Variants in SDK1 observed in about 807,000 individuals in gnomAD.
The protein encoded by SDK1 is protein sidekick-1.
A neutral mutation model predicts 245.5 loss-of-function variants in SDK1; 157 were observed. The ratio of observed to expected loss-of-function variants is 0.64; its 90% CI spans 0.56 to 0.73. The LOEUF (loss-of-function observed/expected upper bound fraction) is 0.73. Ranked by LOEUF, SDK1 falls within the 30% of genes least tolerant of loss-of-function variation. The probability of loss-of-function intolerance (pLI) is 0.00; values close to 1 mark genes in which losing one functional copy is unlikely to be tolerated. For synonymous variants in SDK1, 1,647 were observed against 1,278.5 expected (o/e 1.29, Z -6.15); for missense variants, 3,583 against 3,002.3 (o/e 1.19, Z -4.52).
In SDK1 at chr7:4,233,242, A is replaced by G. The variant is rs1435064712; in HGVS notation, c.5828-13A>G. 1 of 1,608,830 alleles carries G rather than the reference A, an allele frequency of 6.2e-7. No individual in the cohort carries two copies. Among genetic ancestry groups the G allele is most frequent in the Non-Finnish European group, 8.5e-7 (1 of 1,176,696 alleles). ...TTCTAACCTCTGCTCTCGCCTCCCCATCCCTCTTGCAGATGAAGGCTTATG... is the reference window on the plus strand; with the variant it reads ...TTCTAACCTCTGCTCTCGCCTCCCCGTCCCTCTTGCAGATGAAGGCTTATG... On this transcript the variant is annotated splice_polypyrimidine_tract_variant and intron_variant, in intron 40 of 44. Transcript: ENST00000404826.
At chr7:3,501,753 A>G (rs1334926261) in intron 1 of SDK1, among the ~76,000 whole-genome samples, 1 of 152,160 alleles carries the variant, frequency 6.6e-6, no homozygotes, top group Non-Finnish European at 1.5e-5. Context: ...TATGTGCAGT[A>G]TTTTGGACTT....
In SDK1 at chr7:3,532,835, C is replaced by T. The variant is rs139199001; in HGVS notation, c.299-86245C>T. Among the ~76,000 whole-genome samples, 453 of 152,148 alleles carry T rather than the reference C, an allele frequency of 3.0e-3. 1 individual carries two copies. The highest frequency in any genetic ancestry group is 0.011 in the African/African-American group (438 of 41,502). On this transcript the variant is annotated intron_variant, in intron 1 of 44. Transcript: ENST00000404826. ...CATCTTACCTCCTCTGCGTTCTTGT[C>T]ACATGGCCCTCTTTCAGGCTCTTTT...
chr7:3,895,972 A>T (rs1781594653), intron 5 of SDK1, among the ~76,000 whole-genome samples: 1 of 152,082 alleles, frequency 6.6e-6, no homozygotes, highest in African/African-American at 2.4e-5. Context: ...ATCCTTTTAA[A>T]TTTATTGAGA....
intron 1 of SDK1, among the ~76,000 whole-genome samples, chr7:3,504,689 C>A (rs1583965595): frequency 1.3e-5 from 2 of 151,992 alleles, no homozygotes; most frequent in East Asian, 3.9e-4. Context: ...AACTATGAAA[C>A]TCTCAGAGGA....
At chr7:3,906,148 G>T (rs569771875) in intron 5 of SDK1, among the ~76,000 whole-genome samples, 1 of 151,978 alleles carries the variant, frequency 6.6e-6, no homozygotes, top group South Asian at 2.1e-4. Context: ...CCTGATGTTT[G>T]TCCTCACCTT....
At chr7:4,069,893 A>G (rs1485588612) in intron 20 of SDK1, among the ~76,000 whole-genome samples, 1 of 152,204 alleles carries the variant, frequency 6.6e-6, no homozygotes, top group South Asian at 2.1e-4. Context: ...ACGTCCCACC[A>G]TCACAGCCAA....
chr7:4,071,536 A>T (rs1295304053), intron 20 of SDK1, among the ~76,000 whole-genome samples: 1 of 152,194 alleles, frequency 6.6e-6, no homozygotes, highest in African/African-American at 2.4e-5. Context: ...TGTTGCCTGG[A>T]GTCGAAGGAA....
chr7:3,773,146 C>G (rs73672168), intron 4 of SDK1, among the ~76,000 whole-genome samples: 5,390 of 152,268 alleles, frequency 0.035, 300 homozygotes, highest in African/African-American at 0.12. Context: ...CTTTCTCCCT[C>G]TCTTCTTTTT....
In SDK1 at chr7:4,241,890, C is replaced by T. The variant is rs141297041; in HGVS notation, c.6228C>T (p.Thr2076=). ...LSSRHLNVKS[T]FSKKNGTRSP... ...GCCGCCACCTCAATGTCAAGAGCAC[C>T]TTCTCCAAGAAGAACGGGACCAGGT... is the stretch of plus-strand genomic sequence containing the variant. Residue 2076 remains threonine, a synonymous_variant, in exon 43 of 45, where the codon ACC becomes ACT. Coordinates refer to ENST00000404826, the MANE Select transcript of SDK1 (RefSeq NM_152744.4). 17 of 1,613,796 alleles carry T rather than the reference C, an allele frequency of 1.1e-5. No homozygotes were observed. In the African/African-American group the frequency reaches 2.1e-4, roughly 20 times the overall value.
At chr7:4,009,386 A>G (rs901555756) in intron 14 of SDK1, among the ~76,000 whole-genome samples, 3 of 152,232 alleles carry the variant, frequency 2.0e-5, no homozygotes, top group African/African-American at 4.8e-5. Context: ...GTTTTCTGTA[A>G]GGGAGACTGC....
At chr7:4,120,566 A>G (rs1783990107) in intron 25 of SDK1, among the ~76,000 whole-genome samples, 1 of 149,060 alleles carries the variant, frequency 6.7e-6, no homozygotes, top group Non-Finnish European at 1.5e-5. Context: ...ATGCTATATA[A>G]AAATGAAGAC....
At chr7:3,307,684 A>C (rs1266674995) in intron 1 of SDK1, among the ~76,000 whole-genome samples, 1 of 152,200 alleles carries the variant, frequency 6.6e-6, no homozygotes, top group East Asian at 1.9e-4. Flanking sequence ...GTTTTTATAA[A>C]GCTTTCCTAG....
At chr7:4,109,214 G>T (rs1783162583) in intron 22 of SDK1, among the ~76,000 whole-genome samples, 1 of 152,196 alleles carries the variant, frequency 6.6e-6, no homozygotes, top group African/African-American at 2.4e-5. Context: ...TGCGGTGACT[G>T]TGTGTAGCTT....
At chr7:4,009,739 C>A (rs1785788192) in intron 14 of SDK1, among the ~76,000 whole-genome samples, 1 of 152,218 alleles carries the variant, frequency 6.6e-6, no homozygotes, top group African/African-American at 2.4e-5. Flanking sequence ...GTTAAGGAAT[C>A]CAGTGAGCAG....
rs983059378 is a variant in SDK1 at position 3,891,021 on chromosome 7, A to G, written c.848-59902A>G. On this transcript the variant is annotated intron_variant, in intron 5 of 44. Coordinates refer to ENST00000404826, the MANE Select transcript of SDK1 (RefSeq NM_152744.4). ...GCCAGCCTAACCTTAGCTGGGCTCT[A>G]TGTGTTTTACATTTTGGGACCCAGG... 7.2e-5 allele frequency among the ~76,000 whole-genome samples: 11 copies of G among 152,112 alleles called. No homozygotes were observed. In the East Asian group the frequency reaches 7.7e-4, roughly 11 times the overall value.
chr7:3,634,818 G>A (rs1475282841), intron 2 of SDK1, among the ~76,000 whole-genome samples: 2 of 152,158 alleles, frequency 1.3e-5, no homozygotes, highest in Non-Finnish European at 2.9e-5. Context: ...ATTCAATTTT[G>A]TCTCTATTTC....
chr7:3,372,010 TAAGGCTGTGGTTCAGTAAC>T (rs1313029225), intron 1 of SDK1, among the ~76,000 whole-genome samples: 1 of 152,192 alleles, frequency 6.6e-6, no homozygotes, highest in Non-Finnish European at 1.5e-5. Flanking sequence ...TAGGAATCTG[TAAGGCTGTGGTTCAGTAAC>T]TGTCATCAGC....
At chr7:3,635,731 G>T (rs959017667) in intron 2 of SDK1, among the ~76,000 whole-genome samples, 4 of 151,926 alleles carry the variant, frequency 2.6e-5, no homozygotes, top group Non-Finnish European at 5.9e-5. Flanking sequence ...TCTTGAGACA[G>T]GATCTGGCTC....
Position 4,132,374 on chromosome 7 carries a change from C to T in SDK1, c.4179C>T (p.Ser1393=), listed in dbSNP as rs13224870. The change falls in exon 28 of 45, where the codon TCC becomes TCT. Residue 1393 remains serine (S), a synonymous_variant. Coordinates refer to ENST00000404826, the MANE Select transcript of SDK1 (RefSeq NM_152744.4). ...RLVFPEVRLT[S]VRIVWQPPEE... is the part of the protein sequence containing the mutation. ...TGTTCCCCGAAGTGAGACTCACCTC[C>T]GTGCGGATAGTGTGGCAACCTCCGG... 620,951 of 1,611,378 alleles carry T rather than the reference C, an allele frequency of 0.39. 125,180 individuals carry two copies. Among genetic ancestry groups the T allele is most frequent in the Non-Finnish European group, 0.41 (488,370 of 1,178,336 alleles).
Sources: gnomAD v4.1 joint callset for allele counts (sites outside exome capture counted in the v4.1 genomes callset) on GRCh38, gnomAD v4.1.1 for gene constraint, MANE v1.5 for transcripts, NCBI Gene and HGNC (gene_info 2026-07-23, HGNC 2026-07-21) for gene names.